The following SRPRA variants were observed in gnomAD, a reference collection of about 807,000 sequenced individuals.
The protein encoded by SRPRA is SRP receptor subunit alpha.
In SRPRA, 30 loss-of-function variants were observed where a neutral mutation model predicts 61.1. The observed-to-expected ratio is 0.49, with a 90% CI of 0.37 to 0.67. The LOEUF (loss-of-function observed/expected upper bound fraction) is 0.67. Ranked by LOEUF, SRPRA falls within the 30% of genes least tolerant of loss-of-function variation. The pLI is 0.00. For missense variants in SRPRA, 759 were observed against 828.4 expected (o/e 0.92, Z 1.03); for synonymous variants, 324 against 299.7 (o/e 1.08, Z -0.84).
chr11:126,242,684 G>C, the SRPRA span, among the ~76,000 whole-genome samples: 2 of 152,170 alleles, frequency 1.3e-5, no homozygotes. Flanking sequence ...ACCACAACAA[G>C]GTGCCATTTC....
At chr11:126,253,530 T>C in the SRPRA span, among the ~76,000 whole-genome samples, 4 of 152,234 alleles carry the variant, frequency 2.6e-5, no homozygotes, top group African/African-American at 9.6e-5. This position sits in a 1 kb window ranked among gnomAD's most constrained non-coding sequence, Gnocchi z 5.1. Flanking sequence ...CACTTATCTA[T>C]TGCTGTACAA....
chr11:126,244,370 A>G, the SRPRA span, among the ~76,000 whole-genome samples: 1 of 152,272 alleles, frequency 6.6e-6, no homozygotes, highest in African/African-American at 2.4e-5. This position sits in a 1 kb window ranked among gnomAD's most constrained non-coding sequence, Gnocchi z 4.5. Flanking sequence ...TAACAAGCTT[A>G]GCAAGGTTGG....
chr11:126,258,963 G>A (rs1296041747), downstream of SRPRA, among the ~76,000 whole-genome samples: 1 of 152,184 alleles, frequency 6.6e-6, no homozygotes, highest in Non-Finnish European at 1.5e-5. Flanking sequence ...TCTTTTATTA[G>A]CTGTGTAGGC....
chr11:126,267,276 G>T lies in SRPRA; in HGVS notation c.425C>A (p.Ser142Tyr). 1 of 1,613,960 alleles carries T rather than the reference G, an allele frequency of 6.2e-7. No individual in the cohort carries two copies. Among genetic ancestry groups the T allele is most frequent in the Admixed American group, 1.7e-5 (1 of 60,008 alleles). Reference protein sequence around the residue: ...APTTMKKFEDSEKAKKPVRSM... With the variant: ...APTTMKKFEDYEKAKKPVRSM... ...CCTCACAGGTTTCTTGGCCTTTTCA[G>T]AATCTTCAAATTTCTTCATGGTAGT... Residue 142 changes from serine to tyrosine, a missense_variant, in exon 4 of 14, where the codon TCT becomes TAT. By Grantham distance (144) the Ser-to-Tyr change is moderately radical (BLOSUM62 -2). This residue lies in a region of SRPRA where 475 missense variants were observed against 462.5 expected (regional missense o/e 1.03). Coordinates refer to ENST00000332118, the MANE Select transcript of SRPRA (RefSeq NM_003139.4). The surrounding 1 kb of genome is among the most constrained non-coding windows in gnomAD (Gnocchi z 4.2).
chr11:126,252,567 A>T, the SRPRA span, among the ~76,000 whole-genome samples: 1 of 151,814 alleles, frequency 6.6e-6, no homozygotes, highest in Non-Finnish European at 1.5e-5. The surrounding 1 kb of genome is among the most constrained non-coding windows in gnomAD (Gnocchi z 4.7). Context: ...TCATAGCAAG[A>T]CCCCATCTCT....
chr11:126,250,625 G>A, the SRPRA span: 1 of 1,614,070 alleles, frequency 6.2e-7, no homozygotes, highest in Non-Finnish European at 8.5e-7. The surrounding 1 kb of genome is among the most constrained non-coding windows in gnomAD (Gnocchi z 5.1). Flanking sequence ...TCCACCTGAT[G>A]GAAAATGGAG....
At chr11:126,250,515 A>G in the SRPRA span, 1 of 1,612,914 alleles carries the variant, frequency 6.2e-7, no homozygotes, top group Admixed American at 1.7e-5. This position sits in a 1 kb window ranked among gnomAD's most constrained non-coding sequence, Gnocchi z 5.1. Flanking sequence ...GCGTACCAGT[A>G]ATGTTCGATC....
chr11:126,255,348 G>A, the SRPRA span, among the ~76,000 whole-genome samples: 21 of 152,252 alleles, frequency 1.4e-4, no homozygotes, highest in East Asian at 3.9e-3. The surrounding 1 kb of genome is among the most constrained non-coding windows in gnomAD (Gnocchi z 4.6). Context: ...GCAAAAGACC[G>A]AGAAAATGTA....
chr11:126,240,430 T>C, the SRPRA span, among the ~76,000 whole-genome samples: 1 of 152,200 alleles, frequency 6.6e-6, no homozygotes, highest in Non-Finnish European at 1.5e-5. Context: ...CGTCTTCTTT[T>C]GAAATTTAAT....
chr11:126,256,469 G>C, the SRPRA span: 2 of 1,098,940 alleles, frequency 1.8e-6, no homozygotes, highest in Non-Finnish European at 2.6e-6. The surrounding 1 kb of genome is among the most constrained non-coding windows in gnomAD (Gnocchi z 6.6). Flanking sequence ...TTGCTTAATT[G>C]GTCATCACAG....
chr11:126,244,670 G>A, the SRPRA span, among the ~76,000 whole-genome samples: 3 of 152,166 alleles, frequency 2.0e-5, no homozygotes, highest in Non-Finnish European at 4.4e-5. This position sits in a 1 kb window ranked among gnomAD's most constrained non-coding sequence, Gnocchi z 4.5. Context: ...TGAGCATGAT[G>A]GCGGGTGCCT....
chr11:126,262,189 A>C, downstream of SRPRA: 1 of 1,581,932 alleles, frequency 6.3e-7, no homozygotes, highest in African/African-American at 1.3e-5. Context: ...TACTACAGAC[A>C]GTGTTTAACA....
downstream of SRPRA, chr11:126,261,124 T>A (rs1043935832): frequency 3.1e-6 from 1 of 325,294 alleles, no homozygotes; most frequent in Non-Finnish European, 5.8e-6. Context: ...CTAGACTGTT[T>A]AGGGACAGCA....
At chr11:126,262,835 T>A (rs958489946), downstream of SRPRA, 5 of 152,662 alleles carry the variant, frequency 3.3e-5, no homozygotes, top group African/African-American at 1.2e-4. Flanking sequence ...CAACTTCTGC[T>A]CTGTTGTCCT....
At position 126,264,543 on chromosome 11, in the gene SRPRA, G is replaced by A. The variant is rs368885913; in HGVS notation, c.1526-4C>T. The A allele has an allele frequency of 6.2e-7, 1 of 1,612,258 alleles. No homozygotes were observed. On this transcript the variant is annotated splice_region_variant and splice_polypyrimidine_tract_variant and intron_variant, in intron 11 of 13. Transcript: ENST00000332118. The surrounding 1 kb of genome is among the most constrained non-coding windows in gnomAD (Gnocchi z 5.0). ...ACGTCAAAGCCTTGGTTACGTGCTAGAGAAAGAAAGTAGTCAACTCTGAAC... is the reference window on the plus strand; with the variant it reads ...ACGTCAAAGCCTTGGTTACGTGCTAAAGAAAGAAAGTAGTCAACTCTGAAC...
In SRPRA at chr11:126,267,834, G is replaced by A. The variant is rs964744952; in HGVS notation, c.202-122C>T. On this transcript the variant is annotated intron_variant, in intron 2 of 13. Coordinates refer to ENST00000332118, the MANE Select transcript of SRPRA (RefSeq NM_003139.4). The surrounding 1 kb of genome is among the most constrained non-coding windows in gnomAD (Gnocchi z 4.2). ...TACCTGGCCGGTTTCCCTGTCCTGA[G>A]AGGCAGCCAAGCTCCCTGCCTGGGC... 6.1e-6 allele frequency: 9 copies of A among 1,466,298 alleles called. No individual in the cohort carries two copies. The highest frequency in any genetic ancestry group is 2.5e-5 in the South Asian group (2 of 79,600). The allele number at this position is 1,466,298 out of a possible 1,614,324, so 90.8% of individuals were successfully genotyped here.
chr11:126,247,142 A>T, the SRPRA span, among the ~76,000 whole-genome samples: 2 of 152,132 alleles, frequency 1.3e-5, no homozygotes, highest in African/African-American at 4.8e-5. Flanking sequence ...AAAATTTAAA[A>T]AGTAGTCGGC....
chr11:126,264,049 G>A lies in SRPRA; in HGVS notation c.1789-5C>T, dbSNP rs1486024955. 9.9e-6 allele frequency: 16 copies of A among 1,614,014 alleles called. No homozygotes were observed. Among genetic ancestry groups the A allele is most frequent in the African/African-American group, 2.7e-5 (2 of 74,912 alleles). ...CATAGAAATAGCAGCTCCCACCTAAGTGGAGAAAGAGGACAGCCCATCAAC... is the reference window on the plus strand; with the variant it reads ...CATAGAAATAGCAGCTCCCACCTAAATGGAGAAAGAGGACAGCCCATCAAC... On this transcript the variant is annotated splice_region_variant and splice_polypyrimidine_tract_variant and intron_variant, in intron 13 of 13. Coordinates refer to ENST00000332118, the MANE Select transcript of SRPRA (RefSeq NM_003139.4). This position sits in a 1 kb window ranked among gnomAD's most constrained non-coding sequence, Gnocchi z 5.0.
chr11:126,265,488 C>T lies in SRPRA; in HGVS notation c.1139-48G>A, dbSNP rs765708125. On this transcript the variant is annotated intron_variant, in intron 9 of 13. Transcript: ENST00000332118. This position sits in a 1 kb window ranked among gnomAD's most constrained non-coding sequence, Gnocchi z 6.3. ...TTGCAGCTGTGAAACTCAAGGAATG[C>T]TCTCAAAAATGCCTAACACCTTTCT... 1 of 1,581,712 alleles carries T rather than the reference C, an allele frequency of 6.3e-7. No homozygotes were observed. Among genetic ancestry groups the T allele is most frequent in the South Asian group, 1.1e-5 (1 of 88,042 alleles).
Sources: allele counts gnomAD v4.1 joint callset (sites outside exome capture counted in the v4.1 genomes callset), GRCh38; gene constraint gnomAD v4.1.1; regional missense constraint gnomAD v4.1.1; non-coding constraint Gnocchi (gnomAD v3.1); transcripts MANE v1.5; gene names NCBI Gene and HGNC (gene_info 2026-07-23, HGNC 2026-07-21).